The following QKI variants were observed in gnomAD, a reference collection of about 807,000 sequenced individuals.
QKI encodes the protein KH domain-containing RNA-binding protein QKI.
In QKI, 10 loss-of-function variants were observed where a neutral mutation model predicts 39.0. That is an observed-to-expected ratio of 0.26 (90% CI 0.16 to 0.43). The LOEUF is 0.43. QKI is among the 20% of genes least tolerant of loss of function. The probability of loss-of-function intolerance (pLI) is 1.00; values close to 1 mark genes in which losing one functional copy is unlikely to be tolerated. For synonymous variants in QKI, 204 were observed against 155.4 expected, an observed-to-expected ratio of 1.31 and a Z score of -2.33; for missense variants, 218 against 428.0, an observed-to-expected ratio of 0.51 and a Z score of 4.33.
At chr6:163,449,241 T>A (rs1465396846) in intron 1 of QKI, among the ~76,000 whole-genome samples, 1 of 152,188 alleles carries the variant, frequency 6.6e-6, no homozygotes, top group African/African-American at 2.4e-5. Context: ...ATGTATTTTA[T>A]GTATATCAAA....
intron 1 of QKI, 61 bp downstream of exon 1, chr6:163,415,396 C>T (rs1787361366): frequency 3.0e-6 from 4 of 1,321,254 alleles, no homozygotes; most frequent in South Asian, 1.2e-5. Context: ...CCTTTCCCCG[C>T]TTGGGATGGT....
intron 2 of QKI, among the ~76,000 whole-genome samples, chr6:163,456,053 T>C (rs1243009242): frequency 6.6e-6 from 1 of 152,210 alleles, no homozygotes; most frequent in African/African-American, 2.4e-5. Flanking sequence ...TGTAGTCACA[T>C]TGACCCTCTT....
intron 1 of QKI, among the ~76,000 whole-genome samples, chr6:163,417,519 A>G (rs1279922160): frequency 6.6e-6 from 1 of 152,162 alleles, no homozygotes; most frequent in African/African-American, 2.4e-5. Flanking sequence ...TTTAGAGCTG[A>G]TTCCTTGTTA....
chr6:163,471,138 G>A (rs1282006530), intron 2 of QKI, among the ~76,000 whole-genome samples: 2 of 152,096 alleles, frequency 1.3e-5, no homozygotes, highest in African/African-American at 4.8e-5. Flanking sequence ...TCTTAAAGCA[G>A]CTAGAAGAGA....
chr6:163,509,538 C>A (rs1480268941), intron 3 of QKI, among the ~76,000 whole-genome samples: 1 of 151,618 alleles, frequency 6.6e-6, no homozygotes, highest in African/African-American at 2.4e-5. Flanking sequence ...TACACGTGGA[C>A]GTATGTGGTT....
intron 1 of QKI, among the ~76,000 whole-genome samples, chr6:163,445,618 T>C (rs1358804535): frequency 6.7e-6 from 1 of 149,696 alleles, no homozygotes; most frequent in Non-Finnish European, 1.5e-5. Context: ...TATATGTCTT[T>C]TTTTTTTTTT....
At chr6:163,438,851 T>C (rs1789511179) in intron 1 of QKI, among the ~76,000 whole-genome samples, 1 of 152,036 alleles carries the variant, frequency 6.6e-6, no homozygotes, top group South Asian at 2.1e-4. Context: ...AAGTAATAAA[T>C]TAACCTTAAC....
chr6:163,552,206 CTTTTTTTTTTTT>C lies in QKI; in HGVS notation c.547-9765_547-9754del, dbSNP rs35060699. Among the ~76,000 whole-genome samples the C allele has an allele frequency of 4.8e-3, 493 of 101,792 alleles. 4 individuals carry two copies. The highest frequency in any genetic ancestry group is 0.018 in the African/African-American group (464 of 26,324). 66.8% of individuals were successfully genotyped at this position (101,792 alleles called of 152,430 possible). A position where few individuals can be genotyped will look rare whatever the true frequency, so the allele number is the denominator to read the frequency against. On this transcript the variant is annotated intron_variant, in intron 4 of 7. Coordinates refer to ENST00000361752, the MANE Select transcript of QKI (RefSeq NM_006775.3). The stretch of plus-strand genomic sequence containing the variant: ...TGGATCATCATAAAGTTCGTTCGTT[CTTTTTTTTTTTT>C]TTTTTTTTTTGACAGAGACTAGCTC...
At chr6:163,513,196 G>C (rs1583136980) in intron 3 of QKI, among the ~76,000 whole-genome samples, 1 of 152,162 alleles carries the variant, frequency 6.6e-6, no homozygotes, top group African/African-American at 2.4e-5. Context: ...ATCCACTGCA[G>C]GTCTTGGAAC....
chr6:163,525,220 T>G (rs1780415633), intron 3 of QKI, among the ~76,000 whole-genome samples: 1 of 151,864 alleles, frequency 6.6e-6, no homozygotes, highest in African/African-American at 2.4e-5. Context: ...GTTACTGACC[T>G]TTGCTTGAGA....
At chr6:163,566,944 T>C (rs979806822) in intron 7 of QKI, 149 bp downstream of exon 7, 1 of 1,420,108 alleles carries the variant, frequency 7.0e-7, no homozygotes, top group Non-Finnish European at 9.2e-7. Context: ...TTGACAGATT[T>C]AAGGGTTGGG....
rs1777664501 is a variant in QKI at position 163,577,847 on chromosome 6, T to C, written c.*7137T>C. On this transcript the variant is annotated 3_prime_UTR_variant, in exon 8 of 8. Coordinates refer to ENST00000361752, the MANE Select transcript of QKI (RefSeq NM_006775.3). ...GTGTTCTTATGTTTACAGAAGTGCT[T>C]AAGTGAATGGAAGCACTAGACATTT... 1 of 152,234 alleles carries C rather than the reference T, an allele frequency of 6.6e-6. No homozygotes were observed. Among genetic ancestry groups the C allele is most frequent in the Non-Finnish European group, 1.5e-5 (1 of 68,036 alleles). 9.4% of individuals were successfully genotyped at this position (152,234 alleles called of 1,614,324 possible).
chr6:163,564,543 GC>G, intron 6 of QKI: 2 of 1,543,424 alleles, frequency 1.3e-6, no homozygotes, highest in Non-Finnish European at 1.7e-6. Flanking sequence ...TAAATAAATA[GC>G]AAATCACTGA....
chr6:163,550,400 C>CATTTA (rs1782152370), intron 4 of QKI, among the ~76,000 whole-genome samples: 1 of 152,150 alleles, frequency 6.6e-6, no homozygotes, highest in Non-Finnish European at 1.5e-5. Flanking sequence ...GATTAAGTTT[C>CATTTA]AACATGAGTT....
intron 1 of QKI, among the ~76,000 whole-genome samples, chr6:163,445,292 C>G (rs138875734): frequency 2.0e-5 from 3 of 152,090 alleles, no homozygotes; most frequent in East Asian, 3.9e-4. Context: ...TTCCTCCTCA[C>G]TCTGTTGGTT....
At chr6:163,567,066 G>A in intron 7 of QKI, 1 of 1,080,228 alleles carries the variant, frequency 9.3e-7, no homozygotes, top group Non-Finnish European at 1.1e-6. Context: ...AATTTGGGGA[G>A]CTATTAAATT....
intron 3 of QKI, among the ~76,000 whole-genome samples, chr6:163,490,970 C>T (rs1778013998): frequency 6.6e-6 from 1 of 152,164 alleles, no homozygotes; most frequent in Non-Finnish European, 1.5e-5. Flanking sequence ...TATTTAATGA[C>T]AGTGCTTGTC....
chr6:163,492,736 G>GTGT (rs946783520), intron 3 of QKI, among the ~76,000 whole-genome samples: 11 of 152,110 alleles, frequency 7.2e-5, no homozygotes, highest in African/African-American at 2.7e-4. Flanking sequence ...ATAATAATTT[G>GTGT]TGTTATCTCA....
intron 1 of QKI, among the ~76,000 whole-genome samples, chr6:163,448,637 C>T (rs142381655): frequency 2.0e-4 from 30 of 152,006 alleles, no homozygotes; most frequent in African/African-American, 4.6e-4. Context: ...TCGGGGAGGC[C>T]GAGGCAGGAG....
Sources: allele counts gnomAD v4.1 joint callset (sites outside exome capture counted in the v4.1 genomes callset), GRCh38; gene constraint gnomAD v4.1.1; transcripts MANE v1.5; gene names NCBI Gene and HGNC (gene_info 2026-07-23, HGNC 2026-07-21).